SULT4A1: variants seen among roughly 807,000 people sequenced by gnomAD.
The protein encoded by SULT4A1 is sulfotransferase 4A1.
SULT4A1 carries 11 observed loss-of-function variants against 35.2 expected under a neutral mutation model. That is an observed-to-expected ratio of 0.31 (90% CI 0.20 to 0.52). The LOEUF (loss-of-function observed/expected upper bound fraction) is 0.52. Among genes scored for constraint, SULT4A1 ranks in the 20% least tolerant of loss-of-function variants. SULT4A1 has a pLI of 0.97. For missense variants in SULT4A1, 271 were observed against 383.7 expected, an observed-to-expected ratio of 0.71 and a Z score of 2.45; for synonymous variants, 152 against 151.8, an observed-to-expected ratio of 1.00 and a Z score of -0.01.
intron 4 of SULT4A1, among the ~76,000 whole-genome samples, chr22:43,836,853 C>T (rs1355279592): frequency 3.9e-5 from 6 of 152,120 alleles, no homozygotes; most frequent in Non-Finnish European, 8.8e-5. Flanking sequence ...GCCTACACAG[C>T]GTCCTGACAC....
At chr22:43,852,030 T>A (rs1381850592) in intron 1 of SULT4A1, among the ~76,000 whole-genome samples, 2 of 152,162 alleles carry the variant, frequency 1.3e-5, no homozygotes, top group Non-Finnish European at 2.9e-5. Flanking sequence ...TATCCCTTTA[T>A]TGTCACTTTA....
chr22:43,846,089 G>A (rs188496857), intron 1 of SULT4A1, among the ~76,000 whole-genome samples: 29 of 152,136 alleles, frequency 1.9e-4, no homozygotes, highest in Non-Finnish European at 3.1e-4. Context: ...CAGAGTCAAC[G>A]CAAGGCCTTC....
chr22:43,856,540 C>T (rs1443110150), intron 1 of SULT4A1, among the ~76,000 whole-genome samples: 1 of 152,194 alleles, frequency 6.6e-6, no homozygotes, highest in Admixed American at 6.5e-5. Flanking sequence ...ACCCTCCCTA[C>T]CAAGCTACTA....
chr22:43,856,116 G>A (rs1274606982), intron 1 of SULT4A1, among the ~76,000 whole-genome samples: 2 of 152,170 alleles, frequency 1.3e-5, no homozygotes, highest in African/African-American at 4.8e-5. Flanking sequence ...AGAAAGAGTT[G>A]GGGGCAGCAT....
chr22:43,854,228 C>G (rs2049376436), intron 1 of SULT4A1, among the ~76,000 whole-genome samples: 2 of 152,218 alleles, frequency 1.3e-5, no homozygotes, highest in Admixed American at 6.5e-5. Flanking sequence ...TGCTCTGACT[C>G]TGGGCACGAC....
intron 6 of SULT4A1, chr22:43,827,322 A>G (rs2063294330): frequency 1.0e-6 from 1 of 985,246 alleles, no homozygotes; most frequent in East Asian, 1.1e-4. Flanking sequence ...AAAATACCCA[A>G]CGTAACACGG....
chr22:43,855,495 C>A (rs2049392213), intron 1 of SULT4A1, among the ~76,000 whole-genome samples: 1 of 152,164 alleles, frequency 6.6e-6, no homozygotes, highest in African/African-American at 2.4e-5. Context: ...CAAGCCAGGG[C>A]CTCTGGCTCA....
At chr22:43,851,797 T>C (rs2049344436) in intron 1 of SULT4A1, among the ~76,000 whole-genome samples, 1 of 152,156 alleles carries the variant, frequency 6.6e-6, no homozygotes, top group Non-Finnish European at 1.5e-5. Flanking sequence ...AGAAGAAAAC[T>C]GTCTTGGTGA....
chr22:43,849,460 C>T (rs2148298971), intron 1 of SULT4A1, among the ~76,000 whole-genome samples: 1 of 152,292 alleles, frequency 6.6e-6, no homozygotes, highest in South Asian at 2.1e-4. Context: ...ATAAAAACCC[C>T]AGAATTCAGC....
chr22:43,845,959 CA>C (rs1034778814), intron 1 of SULT4A1, among the ~76,000 whole-genome samples: 8 of 152,294 alleles, frequency 5.3e-5, no homozygotes, highest in African/African-American at 1.9e-4. Flanking sequence ...TCCCTGGTGC[CA>C]AAAAGGTTGG....
intron 1 of SULT4A1, among the ~76,000 whole-genome samples, chr22:43,860,966 A>G (rs1409446117): frequency 1.3e-5 from 2 of 152,120 alleles, no homozygotes; most frequent in African/African-American, 4.8e-5. Context: ...GCCTCTGAAA[A>G]AAAGGTGTAA....
intron 6 of SULT4A1, chr22:43,826,378 C>G: frequency 1.0e-6 from 1 of 985,362 alleles, no homozygotes; most frequent in Non-Finnish European, 1.2e-6. Context: ...CCTCCTGGTG[C>G]CATTCCACAC....
chr22:43,837,081 G>A (rs1238624577), intron 4 of SULT4A1, among the ~76,000 whole-genome samples: 1 of 152,262 alleles, frequency 6.6e-6, no homozygotes, highest in African/African-American at 2.4e-5. Context: ...GGCCTGTCTG[G>A]ACATGGTGTG....
chr22:43,857,786 AC>A (rs1448997695), intron 1 of SULT4A1, among the ~76,000 whole-genome samples: 1 of 152,206 alleles, frequency 6.6e-6, no homozygotes, highest in Non-Finnish European at 1.5e-5. Context: ...ATAGCAGCTC[AC>A]GCCTGTAATC....
intron 4 of SULT4A1, among the ~76,000 whole-genome samples, chr22:43,838,033 C>T (rs2063391338): frequency 6.6e-6 from 1 of 152,238 alleles, no homozygotes; most frequent in South Asian, 2.1e-4. Flanking sequence ...TCTGCCTGCA[C>T]ACCCTACACT....
intron 6 of SULT4A1, chr22:43,827,437 T>C: frequency 4.9e-6 from 6 of 1,215,732 alleles, no homozygotes; most frequent in Non-Finnish European, 6.3e-6. Flanking sequence ...TAGAAGCTGC[T>C]AGAGCAACCA....
intron 4 of SULT4A1, among the ~76,000 whole-genome samples, chr22:43,836,968 G>A (rs1289217030): frequency 2.0e-5 from 3 of 152,278 alleles, no homozygotes; most frequent in South Asian, 2.1e-4. Context: ...CCTGCCTCCA[G>A]GGCCCTTTGC....
intron 5 of SULT4A1, among the ~76,000 whole-genome samples, chr22:43,832,976 G>T (rs1181303564): frequency 6.6e-6 from 1 of 152,098 alleles, no homozygotes; most frequent in Admixed American, 6.5e-5. Context: ...GGCCTTGTCT[G>T]TCCCCTACAT....
intron 1 of SULT4A1, among the ~76,000 whole-genome samples, chr22:43,861,065 C>T (rs902931101): frequency 6.6e-6 from 1 of 152,204 alleles, no homozygotes; most frequent in Admixed American, 6.5e-5. Context: ...TTAGCCATTC[C>T]TAAAGCATTT....
Sources: allele counts gnomAD v4.1 joint callset (sites outside exome capture counted in the v4.1 genomes callset), GRCh38; gene constraint gnomAD v4.1.1; transcripts MANE v1.5; gene names NCBI Gene and HGNC (gene_info 2026-07-23, HGNC 2026-07-21).